TBC1D5: variants seen among roughly 807,000 people sequenced by gnomAD.
The protein encoded by TBC1D5 is TBC1 domain family member 5, also known as TBC1 domain family, member 5.
TBC1D5 carries 75 observed loss-of-function variants against 100.3 expected under a neutral mutation model. The ratio of observed to expected loss-of-function variants is 0.75; its 90% confidence interval spans 0.62 to 0.91. The LOEUF is 0.91. Ranked by LOEUF, TBC1D5 falls within the 40% of genes least tolerant of loss-of-function variation. The probability of loss-of-function intolerance (pLI) is 0.00; values close to 1 mark genes in which losing one functional copy is unlikely to be tolerated. For missense variants in TBC1D5, 910 were observed against 942.4 expected (o/e 0.97, Z 0.45); for synonymous variants, 323 against 325.6 (o/e 0.99, Z 0.09).
At chr3:17,294,029 G>A (rs2082009401) in intron 14 of TBC1D5, among the ~76,000 whole-genome samples, 1 of 152,306 alleles carries the variant, frequency 6.6e-6, no homozygotes, top group South Asian at 2.1e-4. Flanking sequence ...TGCAGAGTCT[G>A]TACTCTATTA....
chr3:17,634,184 A>T (rs900739289), intron 1 of TBC1D5, among the ~76,000 whole-genome samples: 3 of 152,192 alleles, frequency 2.0e-5, no homozygotes, highest in African/African-American at 7.2e-5. Flanking sequence ...AAAAACTAAA[A>T]ATTGAGCTAC....
At chr3:17,274,013 A>T (rs63331961) in intron 15 of TBC1D5, among the ~76,000 whole-genome samples, 3 of 13,632 alleles carry the variant, frequency 2.2e-4, no homozygotes, top group Admixed American at 1.3e-3. Flanking sequence ...GTATTTAATT[A>T]AAAAAAAAAA....
chr3:17,165,990 T>C (rs2066551794), intron 21 of TBC1D5, among the ~76,000 whole-genome samples: 1 of 152,100 alleles, frequency 6.6e-6, no homozygotes, highest in African/African-American at 2.4e-5. Context: ...ACTAGGCACA[T>C]AAGGAAGCTG....
chr3:17,638,117 T>G (rs893052317), intron 1 of TBC1D5, among the ~76,000 whole-genome samples: 1 of 152,138 alleles, frequency 6.6e-6, no homozygotes, highest in Non-Finnish European at 1.5e-5. Flanking sequence ...TATTGACATG[T>G]TCTACAAAGG....
intron 1 of TBC1D5, among the ~76,000 whole-genome samples, chr3:17,710,639 C>T (rs967852332): frequency 1.3e-5 from 2 of 151,594 alleles, no homozygotes; most frequent in Non-Finnish European, 2.9e-5. Context: ...CGACTTGATA[C>T]GATAAGAGGA....
At chr3:17,563,822 G>A (rs927243655) in intron 2 of TBC1D5, among the ~76,000 whole-genome samples, 106 of 152,004 alleles carry the variant, frequency 7.0e-4, no homozygotes, top group African/African-American at 2.5e-3. Flanking sequence ...TCCCTCTGTT[G>A]CCCAGGCTGG....
At chr3:17,405,300 G>C (rs983777838) in intron 5 of TBC1D5, among the ~76,000 whole-genome samples, 1 of 151,996 alleles carries the variant, frequency 6.6e-6, no homozygotes. Context: ...GGAGTGGTAA[G>C]GGGGTTATTA....
At chr3:17,537,692 G>T (rs1264237812) in intron 2 of TBC1D5, among the ~76,000 whole-genome samples, 1 of 152,110 alleles carries the variant, frequency 6.6e-6, no homozygotes, top group Non-Finnish European at 1.5e-5. Context: ...TTATTTCACT[G>T]AACATAATGT....
intron 2 of TBC1D5, among the ~76,000 whole-genome samples, chr3:17,532,853 G>C (rs1453470004): frequency 7.5e-6 from 1 of 133,106 alleles, no homozygotes; most frequent in Admixed American, 7.8e-5. Context: ...GAGGGAGGGG[G>C]GAGGGATAGC....
rs914675432 is a variant in TBC1D5 at position 17,258,534 on chromosome 3, G to A, written c.1303C>T (p.Arg435Ter). 1.4e-5 allele frequency: 22 copies of A among 1,612,538 alleles called. No homozygotes were observed. The highest frequency in any genetic ancestry group is 1.7e-5 in the Non-Finnish European group (20 of 1,179,216). The change falls in exon 16 of 22, where the codon CGA (arginine) becomes TGA (stop). Residue 435 changes from arginine to a stop codon, truncating the protein, a stop_gained. Transcript: ENST00000253692. LOFTEE classifies it high-confidence loss of function. ...CTTTTATTCATGAGGTCTGCTCCTC[G>A]TGCTTTGTAATAATCTAAATTTGGA...
chr3:17,245,786 T>C (rs565938909), intron 16 of TBC1D5, among the ~76,000 whole-genome samples: 1 of 152,228 alleles, frequency 6.6e-6, no homozygotes, highest in African/African-American at 2.4e-5. Context: ...TTTTGAACTA[T>C]TTGAATTATT....
At chr3:17,636,062 G>A (rs2063887811) in intron 1 of TBC1D5, among the ~76,000 whole-genome samples, 4 of 151,936 alleles carry the variant, frequency 2.6e-5, no homozygotes, top group Non-Finnish European at 5.9e-5. Context: ...GTGTGGTGGT[G>A]GGCACCTGTA....
At chr3:17,326,021 T>C (rs984416895) in intron 13 of TBC1D5, among the ~76,000 whole-genome samples, 2 of 152,090 alleles carry the variant, frequency 1.3e-5, no homozygotes, top group African/African-American at 4.8e-5. Context: ...AATGGTGAAG[T>C]AGATAAATTC....
At chr3:17,710,696 CTTAT>C (rs1166063616) in intron 1 of TBC1D5, among the ~76,000 whole-genome samples, 13 of 151,122 alleles carry the variant, frequency 8.6e-5, no homozygotes, top group South Asian at 2.1e-4. Context: ...TATTTATTTA[CTTAT>C]TTATTTATTT....
rs1047505772 is a variant in TBC1D5, at chr3:17,651,713, T to C, written c.-100-27800A>G. On this transcript the variant is annotated intron_variant, in intron 1 of 21. Coordinates refer to ENST00000253692, the Ensembl canonical transcript of TBC1D5. ...GACTCGTCTCAAAAAAAAAAAAATTTTTTTTTACATTTCCTCCCCCACTCC... is the reference window on the plus strand; with the variant it reads ...GACTCGTCTCAAAAAAAAAAAAATTCTTTTTTACATTTCCTCCCCCACTCC... 3.3e-5 allele frequency among the ~76,000 whole-genome samples: 5 copies of C among 152,054 alleles called. 1 individual carries two copies. The highest frequency in any genetic ancestry group is 3.3e-4 in the Admixed American group (5 of 15,266).
Position 17,720,320 on chromosome 3 carries a change from G to C in TBC1D5, c.-101+19023C>G, listed in dbSNP as rs533904387. Among the ~76,000 whole-genome samples the C allele has an allele frequency of 3.9e-4, 59 of 152,090 alleles. 1 individual carries two copies. Among genetic ancestry groups the C allele is most frequent in the Middle Eastern group, 6.8e-3 (2 of 294 alleles). On this transcript the variant is annotated intron_variant, in intron 1 of 21. Transcript: ENST00000253692. ...TTTTAAAATGATATCAAGTTTCAAA[G>C]ATAAAAACCTCTGCATTGTCTTTAT...
chr3:17,433,103 C>T (rs2094473039), intron 3 of TBC1D5, among the ~76,000 whole-genome samples: 1 of 151,560 alleles, frequency 6.6e-6, no homozygotes. Context: ...GAGTCTGGTA[C>T]TTAGTTCTCG....
chr3:17,494,740 C>T (rs985966936), intron 3 of TBC1D5, among the ~76,000 whole-genome samples: 3 of 152,212 alleles, frequency 2.0e-5, no homozygotes, highest in Non-Finnish European at 4.4e-5. Context: ...CTGGCACCAT[C>T]GGGGAAAACC....
intron 2 of TBC1D5, among the ~76,000 whole-genome samples, chr3:17,524,357 A>T (rs1430225931): frequency 6.6e-6 from 1 of 152,218 alleles, no homozygotes; most frequent in East Asian, 1.9e-4. Context: ...TAGGAAGGCA[A>T]TAACTATCAA....
Sources: gnomAD v4.1 joint callset for allele counts (sites outside exome capture counted in the v4.1 genomes callset) on GRCh38, gnomAD v4.1.1 for gene constraint, MANE v1.5 for transcripts, NCBI Gene and HGNC (gene_info 2026-07-23, HGNC 2026-07-21) for gene names.